NCR1: variants seen among roughly 807,000 people sequenced by gnomAD.
NCR1 encodes the protein NK cell-activating receptor.
In NCR1, 30 loss-of-function variants were observed where a neutral mutation model predicts 32.5. That is an observed-to-expected ratio of 0.92 (90% CI 0.69 to 1.25). The LOEUF is 1.25. NCR1 is among the 50% of genes most tolerant of loss of function. The probability of loss-of-function intolerance (pLI) is 0.00; values close to 1 mark genes in which losing one functional copy is unlikely to be tolerated. For synonymous variants in NCR1, 169 were observed against 143.4 expected (o/e 1.18, Z -1.28); for missense variants, 369 against 380.7 (o/e 0.97, Z 0.26).
intron 5 of NCR1, 72 bp downstream of exon 5, chr19:54,910,137 A>G: frequency 6.9e-7 from 1 of 1,454,928 alleles, no homozygotes; most frequent in Non-Finnish European, 9.6e-7. Flanking sequence ...CGTGGCATTC[A>G]TTCAAAATAT....
chr19:54,906,907 C>T, intron 3 of NCR1, 100 bp downstream of exon 3: 1 of 1,405,478 alleles, frequency 7.1e-7, no homozygotes, highest in East Asian at 2.3e-5. Flanking sequence ...CACTGCTTGT[C>T]TCGGTAGGAG....
At chr19:54,937,964 A>G in the NCR1 span, 1 of 1,093,014 alleles carries the variant, frequency 9.1e-7, no homozygotes, top group Non-Finnish European at 1.4e-6. Context: ...GAAACAGCAC[A>G]TTTCCAAATT....
At chr19:54,933,360 T>C in the NCR1 span, among the ~76,000 whole-genome samples, 3 of 152,192 alleles carry the variant, frequency 2.0e-5, no homozygotes, top group Admixed American at 6.6e-5. Flanking sequence ...TTAACCAGGA[T>C]GGTCTCCATC....
intron 3 of NCR1, 124 bp downstream of exon 3, chr19:54,906,931 G>A (rs1330513516): frequency 2.6e-6 from 3 of 1,170,156 alleles, no homozygotes; most frequent in Non-Finnish European, 3.6e-6. Flanking sequence ...GGAAGGAGGG[G>A]TGATCCCCAT....
At chr19:54,908,597 G>A (rs1268113909) in intron 3 of NCR1, among the ~76,000 whole-genome samples, 4 of 151,904 alleles carry the variant, frequency 2.6e-5, no homozygotes, top group Non-Finnish European at 5.9e-5. Flanking sequence ...CCCAGACGGG[G>A]CAGTGGCCGG....
At chr19:54,936,808 G>C in the NCR1 span, among the ~76,000 whole-genome samples, 4 of 152,112 alleles carry the variant, frequency 2.6e-5, no homozygotes, top group Admixed American at 6.6e-5. Context: ...CCAGGTATTC[G>C]GGAGGCTGAG....
At chr19:54,908,449 T>G (rs2067752708) in intron 3 of NCR1, among the ~76,000 whole-genome samples, 1 of 152,202 alleles carries the variant, frequency 6.6e-6, no homozygotes, top group Non-Finnish European at 1.5e-5. Flanking sequence ...CCCCTTTTTC[T>G]ATTCGACAAA....
At chr19:54,936,320 C>T in the NCR1 span, 3 of 1,614,066 alleles carry the variant, frequency 1.9e-6, no homozygotes, top group South Asian at 1.1e-5. Flanking sequence ...TCAGCATCAT[C>T]GTGCGTTCCC....
At chr19:54,920,031 TTAA>T (rs2068217627), downstream of NCR1, among the ~76,000 whole-genome samples, 1 of 152,230 alleles carries the variant, frequency 6.6e-6, no homozygotes, top group Non-Finnish European at 1.5e-5. Flanking sequence ...CGGCTAATGA[TTAA>T]TGATACTCAT....
chr19:54,919,658 C>T (rs1029497774), downstream of NCR1, among the ~76,000 whole-genome samples: 13 of 151,574 alleles, frequency 8.6e-5, no homozygotes, highest in African/African-American at 1.2e-4. Context: ...GATGTCAGGC[C>T]CTCCACAAGA....
At chr19:54,925,585 C>T in the NCR1 span, among the ~76,000 whole-genome samples, 2 of 152,082 alleles carry the variant, frequency 1.3e-5, no homozygotes, top group Non-Finnish European at 2.9e-5. Context: ...ACAGGAGGAT[C>T]GTTTGAAGCC....
chr19:54,901,362 A>G (rs1156509117), upstream of NCR1, among the ~76,000 whole-genome samples: 1 of 47,612 alleles, frequency 2.1e-5, no homozygotes, highest in African/African-American at 5.1e-5. Context: ...GTCCATCTCA[A>G]AAAAAAAAAA....
the NCR1 span, among the ~76,000 whole-genome samples, chr19:54,925,866 G>C: frequency 7.9e-5 from 12 of 151,918 alleles, no homozygotes; most frequent in African/African-American, 2.9e-4. Context: ...CGGGCGTGGT[G>C]GCGGGCGCCT....
In NCR1 at chr19:54,906,780, A is replaced by G; in HGVS notation, c.328A>G (p.Ser110Gly). The G allele has an allele frequency of 6.2e-7, 1 of 1,614,184 alleles. No individual in the cohort carries two copies. Among genetic ancestry groups the G allele is most frequent in the Non-Finnish European group, 8.5e-7 (1 of 1,180,030 alleles). Residue 110 changes from serine to glycine, a missense_variant, in exon 3 of 7, where the codon AGC becomes GGC. By Grantham distance (56) the Ser-to-Gly change is moderately conservative. Coordinates refer to ENST00000291890, the MANE Select transcript of NCR1 (RefSeq NM_004829.7). ...GGTTGGGGAGCTCTGGTCAGAGCCC[A>G]GCAACTTGCTGGATCTGGTGGTAAC... is the stretch of plus-strand genomic sequence containing the variant. ...YRVGELWSEP[S>G]NLLDLVVTEM... is the part of the protein sequence containing the mutation.
chr19:54,902,994 G>C (rs587654017), upstream of NCR1, among the ~76,000 whole-genome samples: 8 of 152,166 alleles, frequency 5.3e-5, no homozygotes, highest in Non-Finnish European at 7.4e-5. Context: ...GTCGAGTGTG[G>C]TGGCACACGC....
chr19:54,903,260 T>G (rs1056076897), upstream of NCR1, among the ~76,000 whole-genome samples: 10 of 149,456 alleles, frequency 6.7e-5, no homozygotes, highest in African/African-American at 2.2e-4. Context: ...ACATAGTACC[T>G]TACATGTATA....
At chr19:54,915,412 G>A (rs775835), downstream of NCR1, among the ~76,000 whole-genome samples, 7,542 of 152,014 alleles carry the variant, frequency 0.05, 444 homozygotes, top group African/African-American at 0.13. Context: ...GCCTCATGCC[G>A]GTCAAATTTA....
rs1222466868 is a variant in NCR1, at chr19:54,909,231, A to C, written c.356-14A>C. ...ACTGAGTTTCTGGTGTGGTGGCCCC[A>C]CCTTCTCTCATAGAAATGTATGACA... On this transcript the variant is annotated splice_polypyrimidine_tract_variant and intron_variant, in intron 3 of 6. Transcript: ENST00000291890. 6.3e-7 allele frequency: 1 copy of C among 1,599,832 alleles called. No homozygotes were observed. The highest frequency in any genetic ancestry group is 1.3e-5 in the African/African-American group (1 of 74,602).
the NCR1 span, chr19:54,938,027 G>C: frequency 6.2e-7 from 1 of 1,600,626 alleles, no homozygotes; most frequent in South Asian, 1.1e-5. Context: ...TTCCTTGCAA[G>C]ATGAGCTTCT....
Sources: allele counts gnomAD v4.1 joint callset (sites outside exome capture counted in the v4.1 genomes callset), GRCh38; gene constraint gnomAD v4.1.1; transcripts MANE v1.5; gene names NCBI Gene and HGNC (gene_info 2026-07-23, HGNC 2026-07-21).